Variants in FHAD1 observed in about 807,000 individuals in gnomAD.
FHAD1 encodes forkhead-associated domain-containing protein 1.
A neutral mutation model predicts 191.3 loss-of-function variants in FHAD1; 146 were observed. That is an observed-to-expected ratio of 0.76 (90% CI 0.67 to 0.88). The LOEUF (loss-of-function observed/expected upper bound fraction) is 0.88, where lower values mean the gene tolerates loss of function less well. Among genes scored for constraint, FHAD1 ranks in the 40% least tolerant of loss-of-function variants. The pLI is 0.00. For missense variants in FHAD1, 1,635 were observed against 1,785.8 expected (o/e 0.92, Z 1.52); for synonymous variants, 616 against 672.3 (o/e 0.92, Z 1.29).
Position 15,381,513 on chromosome 1 carries a change from C to G in FHAD1, c.4022+62C>G. ...GGGCCTCCCTTCTCCTGGCTAAACT[C>G]AGGCTAGCAGCAGACCTCTAGGCCT... On this transcript the variant is annotated intron_variant, in intron 30 of 33. Coordinates refer to ENST00000688493, the MANE Select transcript of FHAD1 (RefSeq NM_001391957.1). This position sits in a 1 kb window ranked among gnomAD's most constrained non-coding sequence, Gnocchi z 4.6. 7.6e-7 allele frequency: 1 copy of G among 1,309,640 alleles called. No individual in the cohort carries two copies. Among genetic ancestry groups the G allele is most frequent in the Admixed American group, 2.0e-5 (1 of 49,962 alleles). The allele number at this position is 1,309,640 out of a possible 1,614,324, so 81.1% of individuals were successfully genotyped here.
chr1:15,336,869 T>C (rs1684358756), intron 14 of FHAD1, among the ~76,000 whole-genome samples: 1 of 152,204 alleles, frequency 6.6e-6, no homozygotes, highest in Admixed American at 6.5e-5. Flanking sequence ...GGCGCTCTGC[T>C]TCCCTCCTGA....
intron 16 of FHAD1, among the ~76,000 whole-genome samples, chr1:15,344,508 C>T (rs1423370194): frequency 2.0e-5 from 3 of 152,210 alleles, no homozygotes; most frequent in East Asian, 3.8e-4. Flanking sequence ...GCTCTCTGCT[C>T]TTCTGCAAAA....
rs574712923 is a variant in FHAD1 at position 15,379,046 on chromosome 1, TG to T, written c.3706-1652del. Among the ~76,000 whole-genome samples, 8 of 152,222 alleles carry T rather than the reference TG, an allele frequency of 5.3e-5. No homozygotes were observed. The South Asian group carries it at 1.5e-3, about 28-fold the overall frequency. On this transcript the variant is annotated intron_variant, in intron 28 of 33. Transcript: ENST00000688493. Reference sequence around the variant, plus strand: ...AGGGGTGGGTTGCCCTCCACACCTGTGGGTGTTTCTCGTAAGGTGGAACGAG... The same window carrying T: ...AGGGGTGGGTTGCCCTCCACACCTGTGGTGTTTCTCGTAAGGTGGAACGAG...
rs549997171 is a variant in FHAD1 at position 15,348,954 on chromosome 1, C to CTAT, written c.2347-72_2347-70dup. The CTAT allele has an allele frequency of 1.2e-3, 1,027 of 867,216 alleles. 10 individuals carry two copies. In the Admixed American group the frequency reaches 0.023, roughly 19 times the overall value. 53.7% of individuals were successfully genotyped at this position (867,216 alleles called of 1,614,324 possible). A position where few individuals can be genotyped will look rare whatever the true frequency, so the allele number is the denominator to read the frequency against. On this transcript the variant is annotated intron_variant, in intron 18 of 33. Coordinates refer to ENST00000688493, the MANE Select transcript of FHAD1 (RefSeq NM_001391957.1). ...CCCAACACTTTGGCTGTTATTGTTA[C>CTAT]TATTATTATTATTATTATCATTATC...
chr1:15,282,118 A>G (rs1573945762), intron 3 of FHAD1, among the ~76,000 whole-genome samples: 2 of 152,250 alleles, frequency 1.3e-5, no homozygotes, highest in Non-Finnish European at 2.9e-5. Context: ...CCAGGCTCAT[A>G]GTGTATTCTC....
chr1:15,292,097 C>T (rs1239296542), intron 4 of FHAD1, among the ~76,000 whole-genome samples: 1 of 152,170 alleles, frequency 6.6e-6, no homozygotes, highest in African/African-American at 2.4e-5. Flanking sequence ...TACCACAGAA[C>T]CTAACTGTAT....
rs1195446225 is a variant in FHAD1, at chr1:15,345,182, C to G, written c.2230C>G (p.Gln744Glu). 1.8e-5 allele frequency: 28 copies of G among 1,551,098 alleles called. No individual in the cohort carries two copies. The highest frequency in any genetic ancestry group is 2.3e-5 in the Non-Finnish European group (26 of 1,146,518). ...AGAACTGGAGAGCCTCCTGGCCCAGCAGAAGAAGGTATGTGGCTCAGGGAG... is the reference window on the plus strand; with the variant it reads ...AGAACTGGAGAGCCTCCTGGCCCAGGAGAAGAAGGTATGTGGCTCAGGGAG... The part of the protein sequence containing the change: ...MQELESLLAQ[Q>E]KKALAKSITQ... The change falls in exon 17 of 34, where the codon CAG becomes GAG. Residue 744 changes from glutamine (Q) to glutamate (E), a missense_variant. By Grantham distance (29) the Gln-to-Glu change is conservative (BLOSUM62 2). Coordinates refer to ENST00000688493, the MANE Select transcript of FHAD1 (RefSeq NM_001391957.1).
At chr1:15,247,481 G>A in intron 1 of FHAD1, 86 bp downstream of exon 1, 1 of 167,012 alleles carries the variant, frequency 6.0e-6, no homozygotes, top group Non-Finnish European at 1.3e-5. Flanking sequence ...GCAGGAGGAG[G>A]GGTGGCTCCC....
chr1:15,275,609 G>T (rs1658054709), intron 3 of FHAD1, among the ~76,000 whole-genome samples: 1 of 152,174 alleles, frequency 6.6e-6, no homozygotes, highest in South Asian at 2.1e-4. Context: ...GCAGCCATGT[G>T]GACTGAGTTT....
intron 6 of FHAD1, among the ~76,000 whole-genome samples, chr1:15,306,170 T>A (rs1670440144): frequency 1.3e-5 from 2 of 152,182 alleles, no homozygotes; most frequent in South Asian, 4.1e-4. Flanking sequence ...TCTTGTTATG[T>A]TTTAGCAAAG....
chr1:15,290,066 T>G (rs1428223881), intron 4 of FHAD1, among the ~76,000 whole-genome samples: 1 of 152,150 alleles, frequency 6.6e-6, no homozygotes, highest in African/African-American at 2.4e-5. Flanking sequence ...TTAAAATATT[T>G]TACCACCATT....
chr1:15,359,866 T>C (rs962877329), intron 21 of FHAD1, among the ~76,000 whole-genome samples: 20 of 151,176 alleles, frequency 1.3e-4, no homozygotes, highest in Admixed American at 2.6e-4. Context: ...AGGAGAATAG[T>C]GTGAACCCGG....
rs185245833 is a variant in FHAD1 at position 15,358,735 on chromosome 1, C to T, written c.2736+452C>T. Among the ~76,000 whole-genome samples, 419 of 136,230 alleles carry T rather than the reference C, an allele frequency of 3.1e-3. 1 individual carries two copies. The highest frequency in any genetic ancestry group is 5.3e-3 in the Non-Finnish European group (327 of 61,232). 89.4% of individuals were successfully genotyped at this position (136,230 alleles called of 152,430 possible). ...AAGACAATGCATTAAAGTGTAGGCTCGGCATTCGAGGCCCTCCACAATTAG... is the reference window on the plus strand; with the variant it reads ...AAGACAATGCATTAAAGTGTAGGCTTGGCATTCGAGGCCCTCCACAATTAG... On this transcript the variant is annotated intron_variant, in intron 21 of 33. Coordinates refer to ENST00000688493, the MANE Select transcript of FHAD1 (RefSeq NM_001391957.1).
At position 15,369,365 on chromosome 1, in the gene FHAD1, C is replaced by T. The variant is rs548386847; in HGVS notation, c.3315-5C>T. The T allele has an allele frequency of 6.4e-7, 1 of 1,551,974 alleles. No individual in the cohort carries two copies. Among genetic ancestry groups the T allele is most frequent in the South Asian group, 1.2e-5 (1 of 84,056 alleles). On this transcript the variant is annotated splice_region_variant and splice_polypyrimidine_tract_variant and intron_variant, in intron 25 of 33. Coordinates refer to ENST00000688493, the MANE Select transcript of FHAD1 (RefSeq NM_001391957.1). The stretch of plus-strand genomic sequence containing the variant: ...CTCGTGCCATCCTCCTCTTCTCTAC[C>T]CTAGGGCTTCCCAAGAGAAACACAG...
intron 19 of FHAD1, among the ~76,000 whole-genome samples, chr1:15,349,846 T>A (rs995637665): frequency 3.3e-5 from 5 of 152,120 alleles, no homozygotes; most frequent in African/African-American, 1.2e-4. Flanking sequence ...CCCACCCCAA[T>A]GCCACCAACC....
chr1:15,243,514 T>C (rs1339658640), upstream of FHAD1, among the ~76,000 whole-genome samples: 5 of 152,170 alleles, frequency 3.3e-5, no homozygotes, highest in African/African-American at 1.2e-4. Context: ...TCATTTCATG[T>C]TGGAATGCAA....
In FHAD1 at chr1:15,381,335, C is replaced by T; in HGVS notation, c.3906C>T (p.Asn1302=). Residue 1302 remains asparagine, a synonymous_variant, in exon 30 of 34, where the codon AAC becomes AAT. Transcript: ENST00000688493. This position sits in a 1 kb window ranked among gnomAD's most constrained non-coding sequence, Gnocchi z 4.6. ...YLSRQEREKV[N]QLRQRDLDLV... is the part of the protein sequence containing the mutation. ...CCCGCCAGGAGAGGGAGAAGGTCAA[C>T]CAGCTTCGACAAAGGGACCTCGACC... The T allele has an allele frequency of 1.3e-6, 2 of 1,551,736 alleles. No individual in the cohort carries two copies. Among genetic ancestry groups the T allele is most frequent in the Non-Finnish European group, 1.7e-6 (2 of 1,146,990 alleles).
chr1:15,397,370 C>T lies in FHAD1; in HGVS notation c.4397C>T (p.Ser1466Phe). The change falls in exon 34 of 34, where the codon TCC (serine) becomes TTC (phenylalanine). Residue 1466 changes from serine (S) to phenylalanine (F), a missense_variant. By Grantham distance (155) the Ser-to-Phe change is radical. Transcript: ENST00000688493. ...EMLRKETSSK[S>F]SQSLLHSKPS... ...CTGAGGAAAGAGACCTCCAGCAAGT[C>T]CAGCCAGAGCCTTTTGCATTCTAAG... 1 of 1,545,726 alleles carries T rather than the reference C, an allele frequency of 6.5e-7. No homozygotes were observed. The highest frequency in any genetic ancestry group is 2.0e-5 in the Admixed American group (1 of 50,834).
chr1:15,372,251 G>A (rs113089815), intron 26 of FHAD1, among the ~76,000 whole-genome samples: 4 of 152,152 alleles, frequency 2.6e-5, no homozygotes, highest in African/African-American at 7.2e-5. Flanking sequence ...GTAGGGGACC[G>A]TCCCAGGAGG....
Sources: gnomAD v4.1 joint callset for allele counts (sites outside exome capture counted in the v4.1 genomes callset) on GRCh38, gnomAD v4.1.1 for gene constraint, Gnocchi (gnomAD v3.1) non-coding constraint, MANE v1.5 for transcripts, NCBI Gene and HGNC (gene_info 2026-07-23, HGNC 2026-07-21) for gene names.